PTER: variants seen among roughly 807,000 people sequenced by gnomAD.
The protein encoded by PTER is phosphotriesterase related.
In PTER, 38 loss-of-function variants were observed where a neutral mutation model predicts 29.6. The ratio of observed to expected loss-of-function variants is 1.28; its 90% CI spans 0.99 to 1.68. The LOEUF (loss-of-function observed/expected upper bound fraction) is 1.68. PTER is among the 40% of genes most tolerant of loss of function. The pLI is 0.00. For synonymous variants in PTER, 172 were observed against 154.5 expected, an observed-to-expected ratio of 1.11 and a Z score of -0.84; for missense variants, 482 against 427.8, an observed-to-expected ratio of 1.13 and a Z score of -1.12.
intron 1 of PTER, among the ~76,000 whole-genome samples, chr10:16,470,426 C>T (rs186816808): frequency 6.6e-6 from 1 of 152,330 alleles, no homozygotes; most frequent in East Asian, 1.9e-4. Context: ...TTATCAAATC[C>T]ATAGTAACTT....
downstream of PTER, among the ~76,000 whole-genome samples, chr10:16,516,703 T>C (rs538530505): frequency 3.5e-4 from 54 of 152,310 alleles, no homozygotes; most frequent in African/African-American, 1.2e-3. Context: ...ATAATGCCAT[T>C]TTTATTCTCC....
intron 3 of PTER, among the ~76,000 whole-genome samples, chr10:16,490,725 G>A (rs1213374920): frequency 6.7e-6 from 1 of 149,164 alleles, no homozygotes; most frequent in East Asian, 2.0e-4. Context: ...CTTGAAACTG[G>A]CTCAAGATGA....
At chr10:16,475,187 A>G (rs1181510220) in intron 1 of PTER, among the ~76,000 whole-genome samples, 1 of 152,166 alleles carries the variant, frequency 6.6e-6, no homozygotes, top group Non-Finnish European at 1.5e-5. Context: ...GGACACACAC[A>G]TTTATAGCAC....
At chr10:16,441,553 C>T (rs375295046) in intron 1 of PTER, among the ~76,000 whole-genome samples, 1 of 152,152 alleles carries the variant, frequency 6.6e-6, no homozygotes, top group East Asian at 1.9e-4. Flanking sequence ...GTGCTTTGGA[C>T]AGAGCTGTGC....
chr10:16,447,707 C>A (rs527462364), intron 1 of PTER, among the ~76,000 whole-genome samples: 45 of 152,248 alleles, frequency 3.0e-4, no homozygotes, highest in African/African-American at 1.1e-3. Flanking sequence ...ATTCTTTACA[C>A]CATACATCGT....
chr10:16,517,890 G>A (rs1217596868), downstream of PTER, among the ~76,000 whole-genome samples: 2 of 152,158 alleles, frequency 1.3e-5, no homozygotes, highest in Non-Finnish European at 2.9e-5. Context: ...TTAATTTACT[G>A]GTCTTTGATG....
chr10:16,514,034 A>G (rs1468650088), downstream of PTER: 5 of 321,428 alleles, frequency 1.6e-5, no homozygotes, highest in Non-Finnish European at 2.8e-5. Flanking sequence ...AAGGCAAACA[A>G]TTTCTTTGGG....
chr10:16,457,361 C>T (rs1160983778), intron 1 of PTER, among the ~76,000 whole-genome samples: 6 of 151,720 alleles, frequency 4.0e-5, no homozygotes, highest in African/African-American at 7.3e-5. Context: ...TACAGGCGCC[C>T]GCCACCACGC....
At chr10:16,479,839 C>T (rs1192459809) in intron 1 of PTER, among the ~76,000 whole-genome samples, 1 of 151,822 alleles carries the variant, frequency 6.6e-6, no homozygotes, top group East Asian at 2.0e-4. Flanking sequence ...CTCCCTTCAT[C>T]CATTCGTACA....
intron 1 of PTER, among the ~76,000 whole-genome samples, chr10:16,460,941 T>C (rs1273758400): frequency 2.0e-5 from 3 of 152,170 alleles, no homozygotes; most frequent in Non-Finnish European, 4.4e-5. Flanking sequence ...GGTCTCGAAC[T>C]CCTGACCTCA....
chr10:16,437,637 C>T (rs1183933159), intron 1 of PTER: 2 of 152,148 alleles, frequency 1.3e-5, no homozygotes, highest in South Asian at 2.1e-4. Context: ...TATTTTTTGA[C>T]AGTTTATAAA....
chr10:16,440,877 C>T (rs139243219), intron 1 of PTER, among the ~76,000 whole-genome samples: 1 of 152,178 alleles, frequency 6.6e-6, no homozygotes, highest in African/African-American at 2.4e-5. Flanking sequence ...GTCAAGCCTG[C>T]GTAATGAATA....
chr10:16,460,669 CT>C (rs933669668), intron 1 of PTER, among the ~76,000 whole-genome samples: 10 of 152,020 alleles, frequency 6.6e-5, no homozygotes, highest in African/African-American at 2.2e-4. Context: ...CTTAAACTTT[CT>C]TTTTTTATTT....
chr10:16,482,678 G>T (rs987892120), intron 1 of PTER, among the ~76,000 whole-genome samples: 2 of 152,278 alleles, frequency 1.3e-5, no homozygotes, highest in Middle Eastern at 3.4e-3. Flanking sequence ...AGTTCCCAGA[G>T]TCTGGGACTC....
At chr10:16,518,697 C>A (rs1277301200), downstream of PTER, among the ~76,000 whole-genome samples, 5 of 152,146 alleles carry the variant, frequency 3.3e-5, no homozygotes, top group Admixed American at 3.3e-4. Context: ...AGCATTTTTA[C>A]ACATTTGCTG....
intron 1 of PTER, among the ~76,000 whole-genome samples, chr10:16,462,570 CTTT>C (rs1293360557): frequency 7.9e-6 from 1 of 126,962 alleles, no homozygotes. Flanking sequence ...ACATAATCTA[CTTT>C]TTTTTTTTTT....
intron 3 of PTER, among the ~76,000 whole-genome samples, chr10:16,502,321 T>A (rs1046930233): frequency 5.3e-5 from 8 of 152,230 alleles, no homozygotes; most frequent in African/African-American, 1.9e-4. Flanking sequence ...TATTTTGTTT[T>A]TTTCAAGTAT....
At chr10:16,516,517 C>T (rs1445916932), downstream of PTER, among the ~76,000 whole-genome samples, 1 of 152,092 alleles carries the variant, frequency 6.6e-6, no homozygotes, top group Non-Finnish European at 1.5e-5. Flanking sequence ...TAGTTATCAA[C>T]CCATAATATA....
intron 4 of PTER, among the ~76,000 whole-genome samples, chr10:16,506,998 C>T (rs546192544): frequency 1.3e-4 from 20 of 151,464 alleles, no homozygotes; most frequent in South Asian, 1.3e-3. Context: ...AAGTTGTGTG[C>T]GTACAAGCAG....
Sources: allele counts gnomAD v4.1 joint callset (sites outside exome capture counted in the v4.1 genomes callset), GRCh38; gene constraint gnomAD v4.1.1; transcripts MANE v1.5; gene names NCBI Gene and HGNC (gene_info 2026-07-23, HGNC 2026-07-21).